Variants in CCDC63 observed in about 807,000 individuals in gnomAD.
CCDC63 encodes the protein coiled-coil domain containing 63, also known as coiled-coil domain-containing protein 63.
CCDC63 carries 54 observed loss-of-function variants against 63.6 expected under a neutral mutation model. The ratio of observed to expected loss-of-function variants is 0.85; its 90% confidence interval spans 0.68 to 1.07. The LOEUF (loss-of-function observed/expected upper bound fraction) is 1.07. Ranked by LOEUF, CCDC63 falls within the 50% of genes least tolerant of loss-of-function variation. The pLI is 0.00. For synonymous variants in CCDC63, 253 were observed against 266.1 expected (o/e 0.95, Z 0.48); for missense variants, 637 against 689.6 (o/e 0.92, Z 0.86).
Position 110,858,574 on chromosome 12 carries a change from C to CT in CCDC63, c.180-8dup. 6.2e-7 allele frequency: 1 copy of CT among 1,603,614 alleles called. No individual in the cohort carries two copies. The highest frequency in any genetic ancestry group is 8.5e-7 in the Non-Finnish European group (1 of 1,174,758). Reference sequence around the variant, plus strand: ...GGGGTTTGGGGTTAATCATGGGCTGCTTTTCCAACAGCAAGGAGATCAAGA... The same window carrying CT: ...GGGGTTTGGGGTTAATCATGGGCTGCTTTTTCCAACAGCAAGGAGATCAAGA... On this transcript the variant is annotated splice_polypyrimidine_tract_variant and intron_variant, in intron 3 of 11. Transcript: ENST00000308208.
intron 10 of CCDC63, among the ~76,000 whole-genome samples, chr12:110,902,568 C>A (rs1008216112): frequency 5.9e-5 from 9 of 152,044 alleles, no homozygotes; most frequent in African/African-American, 1.9e-4. Flanking sequence ...AGCTTCACCC[C>A]CTACTCCCCC....
intron 8 of CCDC63, among the ~76,000 whole-genome samples, chr12:110,887,389 G>A (rs1044350890): frequency 5.9e-5 from 9 of 151,986 alleles, no homozygotes; most frequent in Non-Finnish European, 1.2e-4. Context: ...GCCTCCCAAA[G>A]TGTTGGGATT....
intron 5 of CCDC63, among the ~76,000 whole-genome samples, chr12:110,875,472 T>C (rs1180470864): frequency 6.6e-6 from 1 of 152,054 alleles, no homozygotes; most frequent in Non-Finnish European, 1.5e-5. Flanking sequence ...AGACGGAGTC[T>C]CACTCTGTCA....
chr12:110,866,396 G>C (rs979411259), intron 4 of CCDC63, among the ~76,000 whole-genome samples: 1 of 149,276 alleles, frequency 6.7e-6, no homozygotes, highest in Non-Finnish European at 1.5e-5. Context: ...TGGGACCATA[G>C]TGGAGGGAAG....
At position 110,899,001 on chromosome 12, in the gene CCDC63, C is replaced by T. The variant is rs2071450113; in HGVS notation, c.1218C>T (p.Thr406=). The T allele has an allele frequency of 2.5e-6, 4 of 1,613,516 alleles. No homozygotes were observed. In the East Asian group the frequency reaches 8.9e-5, roughly 36 times the overall value. ...YESKYGEVSK[T]LDLLKNSVEK... ...GCAAGTACGGGGAGGTCAGCAAGAC[C>T]TTGGATCTATTGAAGAACTCAGTGG... is the stretch of plus-strand genomic sequence containing the variant. Residue 406 remains threonine, a synonymous_variant, in exon 10 of 12, where the codon ACC becomes ACT. Coordinates refer to ENST00000308208, the MANE Select transcript of CCDC63 (RefSeq NM_152591.3).
chr12:110,868,193 TC>T (rs1161002252), intron 4 of CCDC63, among the ~76,000 whole-genome samples: 13 of 139,304 alleles, frequency 9.3e-5, no homozygotes, highest in Non-Finnish European at 7.7e-5. Context: ...GAAGAGGCGC[TC>T]CTCACTTCCT....
chr12:110,873,838 T>A lies in CCDC63; in HGVS notation c.370-4T>A, dbSNP rs2071095991. 6.2e-7 allele frequency: 1 copy of A among 1,612,238 alleles called. No individual in the cohort carries two copies. Among genetic ancestry groups the A allele is most frequent in the South Asian group, 1.1e-5 (1 of 90,868 alleles). The stretch of plus-strand genomic sequence containing the variant: ...TGGAATTTCTCTCTCTCTCTCTTTT[T>A]CAGATTCTTCAGATGGAAAAAAAAA... On this transcript the variant is annotated splice_region_variant and splice_polypyrimidine_tract_variant and intron_variant, in intron 4 of 11. Coordinates refer to ENST00000308208, the MANE Select transcript of CCDC63 (RefSeq NM_152591.3).
intron 4 of CCDC63, among the ~76,000 whole-genome samples, chr12:110,862,788 C>T (rs1297028121): frequency 6.6e-6 from 1 of 151,460 alleles, no homozygotes; most frequent in Non-Finnish European, 1.5e-5. Flanking sequence ...GACCATCTCA[C>T]TCTGTCACCC....
chr12:110,861,502 CT>C (rs2070852772), intron 4 of CCDC63, among the ~76,000 whole-genome samples: 5 of 152,116 alleles, frequency 3.3e-5, no homozygotes, highest in Admixed American at 3.3e-4. Context: ...GTGCTATTCC[CT>C]CTGCCTGGAG....
chr12:110,845,166 G>C (rs956218347), upstream of CCDC63, among the ~76,000 whole-genome samples: 3 of 152,208 alleles, frequency 2.0e-5, 1 homozygote. Context: ...AAGACAAAGA[G>C]AGTAAATTCG....
chr12:110,853,626 T>A, intron 3 of CCDC63, 52 bp downstream of exon 3: 4 of 1,604,590 alleles, frequency 2.5e-6, no homozygotes, highest in Non-Finnish European at 3.4e-6. Flanking sequence ...AAAGTTGGGG[T>A]TGGGCTTCAT....
chr12:110,852,989 A>G (rs777394511), intron 2 of CCDC63, 26 bp downstream of exon 2: 1 of 1,613,410 alleles, frequency 6.2e-7, no homozygotes, highest in East Asian at 2.2e-5. Context: ...TCCCAGCCAC[A>G]GAGCACCTAC....
In CCDC63 at chr12:110,904,872, C is replaced by T. The variant is rs539475612; in HGVS notation, c.1546+81C>T. 1.5e-4 allele frequency: 181 copies of T among 1,168,886 alleles called. 3 individuals are homozygous for T. In the South Asian group the frequency reaches 2.4e-3, roughly 15 times the overall value. The allele number at this position is 1,168,886 out of a possible 1,614,324, so 72.4% of individuals were successfully genotyped here. ...TCTGGGGAGACCGTGTCCAGGTGCC[C>T]GAGAGGGTCTGCAGTGTTGAACCTC... On this transcript the variant is annotated intron_variant, in intron 11 of 11. Coordinates refer to ENST00000308208, the MANE Select transcript of CCDC63 (RefSeq NM_152591.3).
intron 4 of CCDC63, among the ~76,000 whole-genome samples, chr12:110,866,949 T>C (rs1481050368): frequency 5.6e-5 from 7 of 125,674 alleles, no homozygotes; most frequent in East Asian, 2.4e-4. Flanking sequence ...GGCGGGGGGC[T>C]GACCCCCCCA....
chr12:110,872,370 T>C (rs933952353), intron 4 of CCDC63, among the ~76,000 whole-genome samples: 4 of 152,240 alleles, frequency 2.6e-5, no homozygotes, highest in African/African-American at 9.6e-5. Flanking sequence ...GAGAGGCCTG[T>C]ATTGATAGGC....
At chr12:110,897,668 C>T (rs1219012088) in intron 9 of CCDC63, among the ~76,000 whole-genome samples, 1 of 151,172 alleles carries the variant, frequency 6.6e-6, no homozygotes, top group Admixed American at 6.6e-5. Flanking sequence ...AATCTACATA[C>T]ACAACATACG....
chr12:110,904,743 A>C lies in CCDC63; in HGVS notation c.1498A>C (p.Ile500Leu), dbSNP rs747870492. The C allele has an allele frequency of 3.1e-6, 5 of 1,613,714 alleles. No individual in the cohort carries two copies. The highest frequency in any genetic ancestry group is 4.2e-6 in the Non-Finnish European group (5 of 1,179,938). ...CAAGCCCCCAGAACCCATCAAAGTC[A>C]TCCCCCCAGTGCTGGGGGCTGACCC... ...LLKPPEPIKV[I>L]PPVLGADPFS... The change falls in exon 11 of 12, where the codon ATC becomes CTC. Residue 500 changes from isoleucine (I) to leucine (L), a missense_variant. Physicochemically the swap from Ile to Leu is conservative, Grantham distance 5 (BLOSUM62 2). Transcript: ENST00000308208.
intron 3 of CCDC63, among the ~76,000 whole-genome samples, chr12:110,858,137 TAAAATAAAATAAAATAAAATAA>T (rs2070800741): frequency 6.8e-6 from 1 of 148,000 alleles, no homozygotes. Context: ...TAAAATAAAA[TAAAATAAAATAAAATAAAATAA>T]AAAATAAAAT....
At chr12:110,869,538 G>C (rs988501585) in intron 4 of CCDC63, among the ~76,000 whole-genome samples, 1 of 152,136 alleles carries the variant, frequency 6.6e-6, no homozygotes, top group Non-Finnish European at 1.5e-5. Flanking sequence ...TCTGCTTCTA[G>C]ATGGGGTTAA....
Sources: gnomAD v4.1 joint callset for allele counts (sites outside exome capture counted in the v4.1 genomes callset) on GRCh38, gnomAD v4.1.1 for gene constraint, MANE v1.5 for transcripts, NCBI Gene and HGNC (gene_info 2026-07-23, HGNC 2026-07-21) for gene names.